The following PDE6A variants were observed in gnomAD, a reference collection of about 807,000 sequenced individuals.
The protein encoded by PDE6A is rod cGMP-specific 3',5'-cyclic phosphodiesterase subunit alpha.
PDE6A carries 84 observed loss-of-function variants against 106.3 expected under a neutral mutation model. The ratio of observed to expected loss-of-function variants is 0.79; its 90% CI spans 0.66 to 0.95. The LOEUF (loss-of-function observed/expected upper bound fraction) is 0.95, where lower values mean the gene tolerates loss of function less well. Among genes scored for constraint, PDE6A ranks in the 40% least tolerant of loss-of-function variants. The pLI is 0.00. For missense variants in PDE6A, 1,052 were observed against 1,084.9 expected, an observed-to-expected ratio of 0.97 and a Z score of 0.43; for synonymous variants, 394 against 386.6, an observed-to-expected ratio of 1.02 and a Z score of -0.23.
chr5:149,895,507 A>ATGT (rs3841534), intron 12 of PDE6A, among the ~76,000 whole-genome samples: 103,117 of 151,434 alleles, frequency 0.68, 35,529 homozygotes, highest in Middle Eastern at 0.76. Flanking sequence ...TACTAAGAAG[A>ATGT]TGTTGTTGTT....
At chr5:149,940,370 G>A (rs889697227) in intron 1 of PDE6A, among the ~76,000 whole-genome samples, 5 of 152,264 alleles carry the variant, frequency 3.3e-5, no homozygotes, top group African/African-American at 1.2e-4. Flanking sequence ...ACCATTGCCC[G>A]GCCCCTGGAT....
At chr5:149,884,258 G>T (rs989628927) in intron 16 of PDE6A, among the ~76,000 whole-genome samples, 4 of 136,588 alleles carry the variant, frequency 2.9e-5, no homozygotes, top group Non-Finnish European at 6.5e-5. Context: ...GTATATATAT[G>T]TGTATATATA....
chr5:149,911,410 C>T lies in PDE6A; in HGVS notation c.998+3533G>A, dbSNP rs147590244. Among the ~76,000 whole-genome samples, 1,061 of 152,308 alleles carry T rather than the reference C, an allele frequency of 7.0e-3. 8 individuals are homozygous for T. The highest frequency in any genetic ancestry group is 9.0e-3 in the Non-Finnish European group (613 of 68,026). The stretch of plus-strand genomic sequence containing the variant: ...TGCTCAACTCATTGGAACACTTACT[C>T]TATTTTACACAACAAATCATTGCCC... On this transcript the variant is annotated intron_variant, in intron 6 of 21. Coordinates refer to ENST00000255266, the MANE Select transcript of PDE6A (RefSeq NM_000440.3).
At chr5:149,862,524 C>T (rs946734700) in intron 21 of PDE6A, among the ~76,000 whole-genome samples, 10 of 152,264 alleles carry the variant, frequency 6.6e-5, no homozygotes, top group African/African-American at 2.2e-4. Context: ...TTTGAGAGGC[C>T]GAGGCGGGTG....
At position 149,897,320 on chromosome 5, in the gene PDE6A, A is replaced by C. The variant is rs142678682; in HGVS notation, c.1408-544T>G. Among the ~76,000 whole-genome samples the C allele has an allele frequency of 4.3e-4, 66 of 152,280 alleles. No individual in the cohort carries two copies. The East Asian group carries it at 0.011, about 26-fold the overall frequency. ...GTCCCCATGTGCCAGAGGAGGGGGA[A>C]CTGGACCCAGTTACTTGCTCCTGAT... On this transcript the variant is annotated intron_variant, in intron 10 of 21. Coordinates refer to ENST00000255266, the MANE Select transcript of PDE6A (RefSeq NM_000440.3).
At chr5:149,922,291 C>T (rs1275079260) in intron 4 of PDE6A, among the ~76,000 whole-genome samples, 2 of 147,250 alleles carry the variant, frequency 1.4e-5, no homozygotes, top group Admixed American at 6.8e-5. Context: ...AATACATTTA[C>T]AACAAATTAT....
intron 4 of PDE6A, among the ~76,000 whole-genome samples, chr5:149,922,470 T>A (rs879767749): frequency 6.6e-6 from 1 of 151,890 alleles, no homozygotes; most frequent in Non-Finnish European, 1.5e-5. Context: ...TGCCACCACA[T>A]CCGGCTAATT....
chr5:149,890,030 A>T (rs1311276849), intron 13 of PDE6A, among the ~76,000 whole-genome samples: 1 of 144,256 alleles, frequency 6.9e-6, no homozygotes. Flanking sequence ...ATCTCAACTC[A>T]CTGCAACCTC....
Position 149,914,948 on chromosome 5 carries a change from G to T in PDE6A, c.993C>A (p.Val331=). 1 of 1,604,672 alleles carries T rather than the reference G, an allele frequency of 6.2e-7. No homozygotes were observed. Among genetic ancestry groups the T allele is most frequent in the Non-Finnish European group, 8.5e-7 (1 of 1,172,174 alleles). ...TTTTGACAGGTGAAACTTACGGGATGACTTTGATGTCCTCTTTGCCATGCA... is the reference window on the plus strand; with the variant it reads ...TTTTGACAGGTGAAACTTACGGGATTACTTTGATGTCCTCTTTGCCATGCA... The part of the protein sequence containing the change: ...YILHGKEDIK[V]IPNPPPDHWA... The change falls in exon 6 of 22, where the codon GTC becomes GTA. Residue 331 remains valine, a synonymous_variant. Coordinates refer to ENST00000255266, the MANE Select transcript of PDE6A (RefSeq NM_000440.3).
intron 6 of PDE6A, among the ~76,000 whole-genome samples, chr5:149,909,265 A>T (rs1419820721): frequency 2.0e-5 from 3 of 152,066 alleles, no homozygotes; most frequent in African/African-American, 7.2e-5. Context: ...GGCTCAAGCA[A>T]TTCTCCCACC....
At position 149,944,596 on chromosome 5, in the gene PDE6A, G is replaced by C; in HGVS notation, c.78C>G (p.Leu26=). 2 of 1,614,052 alleles carry C rather than the reference G, an allele frequency of 1.2e-6. No homozygotes were observed. The highest frequency in any genetic ancestry group is 1.7e-6 in the Non-Finnish European group (2 of 1,180,004). The change falls in exon 1 of 22, where the codon CTC becomes CTG. Residue 26 remains leucine, a synonymous_variant. Transcript: ENST00000255266. ...NIGFAKQYYN[L]HYRAKLISDL... Reference sequence around the variant, plus strand: ...CGGAGATGAGCTTGGCCCGGTAGTGGAGGTTGTAGTACTGTTTGGCAAAGC... The same window carrying C: ...CGGAGATGAGCTTGGCCCGGTAGTGCAGGTTGTAGTACTGTTTGGCAAAGC...
At chr5:149,902,376 G>A (rs531205980) in intron 8 of PDE6A, among the ~76,000 whole-genome samples, 3 of 151,904 alleles carry the variant, frequency 2.0e-5, no homozygotes, top group Non-Finnish European at 2.9e-5. Flanking sequence ...ATCACCACTC[G>A]GTGTCTCTTT....
At chr5:149,921,519 G>A in intron 5 of PDE6A, 116 bp downstream of exon 5, 1 of 762,564 alleles carries the variant, frequency 1.3e-6, no homozygotes, top group Non-Finnish European at 2.3e-6. Flanking sequence ...CTTCAAAGGA[G>A]ACAACCCAAC....
chr5:149,909,400 G>T (rs1252991490), intron 6 of PDE6A, among the ~76,000 whole-genome samples: 1 of 152,196 alleles, frequency 6.6e-6, no homozygotes, highest in African/African-American at 2.4e-5. Flanking sequence ...TTGCCTGAAG[G>T]TCAATGCTTC....
intron 13 of PDE6A, among the ~76,000 whole-genome samples, chr5:149,886,683 C>T (rs570893804): frequency 1.2e-3 from 189 of 152,222 alleles, no homozygotes; most frequent in African/African-American, 4.5e-3. Context: ...TAATGAGGGT[C>T]GAGCATATTG....
intron 4 of PDE6A, among the ~76,000 whole-genome samples, chr5:149,923,919 C>G (rs903756060): frequency 6.6e-6 from 1 of 152,190 alleles, no homozygotes; most frequent in Non-Finnish European, 1.5e-5. Flanking sequence ...TTGTCATGGT[C>G]TGCTTATTCT....
chr5:149,873,660 C>A (rs1469842363), intron 17 of PDE6A, among the ~76,000 whole-genome samples: 1 of 152,036 alleles, frequency 6.6e-6, no homozygotes, highest in African/African-American at 2.4e-5. Flanking sequence ...GACTTTTTCC[C>A]CCAACCATTT....
intron 9 of PDE6A, among the ~76,000 whole-genome samples, chr5:149,898,730 G>A (rs1752851536): frequency 6.6e-6 from 1 of 152,232 alleles, no homozygotes; most frequent in Non-Finnish European, 1.5e-5. Flanking sequence ...CCATTCTTAT[G>A]TGTAATAACT....
At chr5:149,930,736 ATTTC>A (rs888728762) in intron 4 of PDE6A, among the ~76,000 whole-genome samples, 3 of 152,114 alleles carry the variant, frequency 2.0e-5, no homozygotes, top group African/African-American at 7.2e-5. Flanking sequence ...CCACATAGAA[ATTTC>A]TTTATCACTG....
Sources: gnomAD v4.1 joint callset for allele counts (sites outside exome capture counted in the v4.1 genomes callset) on GRCh38, gnomAD v4.1.1 for gene constraint, MANE v1.5 for transcripts, NCBI Gene and HGNC (gene_info 2026-07-23, HGNC 2026-07-21) for gene names.